Variants in UBR2 observed in about 807,000 individuals in gnomAD.
UBR2 encodes the protein ubiquitin protein ligase E3 component n-recognin 2.
A neutral mutation model predicts 247.9 loss-of-function variants in UBR2; 92 were observed. The observed-to-expected ratio is 0.37, with a 90% CI of 0.31 to 0.44. The LOEUF (loss-of-function observed/expected upper bound fraction) is 0.44. UBR2 is among the 20% of genes least tolerant of loss of function. The pLI, the probability that UBR2 is intolerant of heterozygous loss-of-function variation, is 1.00. For missense variants in UBR2, 1,613 were observed against 2,112.6 expected (o/e 0.76, Z 4.64); for synonymous variants, 672 against 693.5 (o/e 0.97, Z 0.49).
chr6:42,590,514 T>G (rs1040679386), intron 2 of UBR2, among the ~76,000 whole-genome samples: 1 of 152,012 alleles, frequency 6.6e-6, no homozygotes, highest in African/African-American at 2.4e-5. Flanking sequence ...AGAGAAACAG[T>G]TAAGAAAAAA....
intron 35 of UBR2, 55 bp from the exon 36 acceptor site, chr6:42,670,605 A>G (rs985615156): frequency 1.6e-6 from 2 of 1,273,156 alleles, no homozygotes; most frequent in Admixed American, 2.3e-5. Flanking sequence ...TAAGAAAATT[A>G]TATTAAAATA....
At chr6:42,622,724 A>G (rs911949388) in intron 11 of UBR2, among the ~76,000 whole-genome samples, 3 of 151,860 alleles carry the variant, frequency 2.0e-5, no homozygotes, top group African/African-American at 7.3e-5. Context: ...TTTTGATTCT[A>G]TGGGAAATTT....
chr6:42,683,125 C>A lies in UBR2; in HGVS notation c.4775+14C>A. 1 of 1,606,922 alleles carries A rather than the reference C, an allele frequency of 6.2e-7. No individual in the cohort carries two copies. The highest frequency in any genetic ancestry group is 1.1e-5 in the South Asian group (1 of 90,528). On this transcript the variant is annotated intron_variant, in intron 43 of 46. Transcript: ENST00000372901. ...AGATGCTATAAGGTAAGTTAAAGAG[C>A]CTCAAAAACTTTATTGAGGTGGGAG...
At chr6:42,643,259 G>T (rs1163064083) in intron 18 of UBR2, among the ~76,000 whole-genome samples, 4 of 152,052 alleles carry the variant, frequency 2.6e-5, no homozygotes, top group African/African-American at 4.8e-5. Flanking sequence ...TTGTCACATA[G>T]TAGTTGTTCT....
In UBR2 at chr6:42,659,884, C is replaced by T. The variant is rs745949844; in HGVS notation, c.3442+29C>T. 8.7e-6 allele frequency: 14 copies of T among 1,600,690 alleles called. No homozygotes were observed. The highest frequency in any genetic ancestry group is 1.2e-5 in the Non-Finnish European group (14 of 1,169,472). Reference sequence around the variant, plus strand: ...AGTCATAGCTAGATCCTCATCTTCCCTTTTAATAACAACTGCCAGTTAATG... The same window carrying T: ...AGTCATAGCTAGATCCTCATCTTCCTTTTTAATAACAACTGCCAGTTAATG... On this transcript the variant is annotated intron_variant, in intron 30 of 46. Coordinates refer to ENST00000372901, the MANE Select transcript of UBR2 (RefSeq NM_001363705.2). This position sits in a 1 kb window ranked among gnomAD's most constrained non-coding sequence, Gnocchi z 4.3.
At chr6:42,674,701 G>A (rs1798625059) in intron 38 of UBR2, among the ~76,000 whole-genome samples, 1 of 151,884 alleles carries the variant, frequency 6.6e-6, no homozygotes, top group Non-Finnish European at 1.5e-5. Context: ...GGCGGAGGTT[G>A]CAGTGACCAA....
intron 41 of UBR2, 37 bp from the exon 42 acceptor site, chr6:42,679,687 T>C: frequency 6.9e-7 from 1 of 1,457,276 alleles, no homozygotes. Context: ...ATGCCCTTAG[T>C]TGTTATATGC....
intron 4 of UBR2, among the ~76,000 whole-genome samples, chr6:42,600,939 G>A (rs1582495961): frequency 6.6e-6 from 1 of 152,146 alleles, no homozygotes; most frequent in East Asian, 1.9e-4. Context: ...TTATAGGCAT[G>A]AGCCACCATG....
intron 4 of UBR2, among the ~76,000 whole-genome samples, chr6:42,597,900 C>T (rs377601415): frequency 1.3e-5 from 2 of 150,820 alleles, no homozygotes; most frequent in South Asian, 2.1e-4. Context: ...TGGACAAGAA[C>T]GAAACTCCAT....
chr6:42,692,526 TTAG>T lies in UBR2; in HGVS notation c.*1357_*1359del, dbSNP rs1471042894. On this transcript the variant is annotated 3_prime_UTR_variant, in exon 47 of 47. Coordinates refer to ENST00000372901, the MANE Select transcript of UBR2 (RefSeq NM_001363705.2). ...ATACATGCAGAGAGTGACTGAAGAC[TTAG>T]TAGAGGAATAAATTCTGAGCCTGTC... The T allele has an allele frequency of 1.3e-5, 2 of 152,288 alleles. No individual in the cohort carries two copies. The highest frequency in any genetic ancestry group is 2.9e-5 in the Non-Finnish European group (2 of 68,012). 9.4% of individuals were successfully genotyped at this position (152,288 alleles called of 1,614,324 possible). A position where few individuals can be genotyped will look rare whatever the true frequency, so the allele number is the denominator to read the frequency against.
chr6:42,626,219 A>G (rs538278034), intron 11 of UBR2, among the ~76,000 whole-genome samples: 38 of 152,180 alleles, frequency 2.5e-4, no homozygotes, highest in African/African-American at 8.7e-4. Context: ...GTGACCACCA[A>G]TGTAATTTCT....
intron 26 of UBR2, among the ~76,000 whole-genome samples, chr6:42,657,234 C>CAAA (rs35892798): frequency 9.2e-4 from 81 of 87,982 alleles, no homozygotes; most frequent in African/African-American, 3.9e-3. Context: ...GACTCTGTCT[C>CAAA]AAAAAAAAAA....
chr6:42,615,063 A>G lies in UBR2; in HGVS notation c.986-8A>G, dbSNP rs559178324. On this transcript the variant is annotated splice_polypyrimidine_tract_variant and splice_region_variant and intron_variant, in intron 8 of 46. Transcript: ENST00000372901. ...GCTATCTCATTCTACCTTTCCTTCTATTTAAAGATGGCCTTCGCCGGATTT... is the reference window on the plus strand; with the variant it reads ...GCTATCTCATTCTACCTTTCCTTCTGTTTAAAGATGGCCTTCGCCGGATTT... 2 of 1,610,778 alleles carry G rather than the reference A, an allele frequency of 1.2e-6. No homozygotes were observed. Among genetic ancestry groups the G allele is most frequent in the South Asian group, 1.1e-5 (1 of 90,322 alleles).
chr6:42,622,067 G>A (rs975583090), intron 11 of UBR2, among the ~76,000 whole-genome samples: 9 of 151,934 alleles, frequency 5.9e-5, no homozygotes, highest in South Asian at 4.1e-4. Flanking sequence ...CCAGGCTAGA[G>A]CACAGTGGCA....
chr6:42,646,385 A>G (rs968029685), intron 21 of UBR2, among the ~76,000 whole-genome samples: 1 of 152,346 alleles, frequency 6.6e-6, no homozygotes, highest in African/African-American at 2.4e-5. Context: ...TAAAAAATGT[A>G]GTATAACAAA....
In UBR2 at chr6:42,652,608, A is replaced by G. The variant is rs1281694313; in HGVS notation, c.2732A>G (p.His911Arg). 6.2e-7 allele frequency: 1 copy of G among 1,613,562 alleles called. No individual in the cohort carries two copies. The highest frequency in any genetic ancestry group is 1.3e-5 in the African/African-American group (1 of 75,050). The change falls in exon 25 of 47, where the codon CAT becomes CGT. Residue 911 changes from histidine (H) to arginine (R), a missense_variant. His to Arg is a conservative substitution (Grantham distance 29). Transcript: ENST00000372901. ...ACAATTCTGCAATGGGCTGTGGAAC[A>G]TAATGGATATGCCTGGTCAGAGTCC... The part of the protein sequence containing the change: ...MGTILQWAVE[H>R]NGYAWSESML...
At chr6:42,656,510 A>G (rs1582661023) in intron 26 of UBR2, among the ~76,000 whole-genome samples, 1 of 152,172 alleles carries the variant, frequency 6.6e-6, no homozygotes, top group South Asian at 2.1e-4. Context: ...CTCATCTTGT[A>G]CTTTCCCTGC....
chr6:42,639,964 C>T (rs1362467508), intron 15 of UBR2, among the ~76,000 whole-genome samples: 1 of 152,096 alleles, frequency 6.6e-6, no homozygotes, highest in African/African-American at 2.4e-5. Flanking sequence ...GGAGGCGGAG[C>T]TTGCAGTGAT....
At chr6:42,573,199 G>GT (rs778077730) in intron 1 of UBR2, among the ~76,000 whole-genome samples, 6 of 152,210 alleles carry the variant, frequency 3.9e-5, no homozygotes, top group Admixed American at 3.3e-4. Flanking sequence ...GGCATAATTG[G>GT]TACAACAGTC....
Sources: gnomAD v4.1 joint callset for allele counts (sites outside exome capture counted in the v4.1 genomes callset) on GRCh38, gnomAD v4.1.1 for gene constraint, Gnocchi (gnomAD v3.1) non-coding constraint, MANE v1.5 for transcripts, NCBI Gene and HGNC (gene_info 2026-07-23, HGNC 2026-07-21) for gene names.